FCF1: variants seen among roughly 807,000 people sequenced by gnomAD.
The protein encoded by FCF1 is rRNA-processing protein FCF1 homolog.
A neutral mutation model predicts 32.5 loss-of-function variants in FCF1; 17 were observed. The ratio of observed to expected loss-of-function variants is 0.52; its 90% CI spans 0.36 to 0.78. The LOEUF (loss-of-function observed/expected upper bound fraction) is 0.78, where lower values mean the gene tolerates loss of function less well. Ranked by LOEUF, FCF1 falls within the 30% of genes least tolerant of loss-of-function variation. The pLI is 0.00. For missense variants in FCF1, 201 were observed against 241.1 expected, an observed-to-expected ratio of 0.83 and a Z score of 1.10; for synonymous variants, 84 against 78.4, an observed-to-expected ratio of 1.07 and a Z score of -0.38.
intron 4 of FCF1, among the ~76,000 whole-genome samples, chr14:74,719,295 TAA>T (rs1199789675): frequency 9.9e-5 from 14 of 141,640 alleles, no homozygotes; most frequent in Non-Finnish European, 7.6e-5. Context: ...ACCCTGTCTT[TAA>T]AAAAAAAAAA....
rs1272968349 is a variant in FCF1 at position 74,723,289 on chromosome 14, G to A, written c.310G>A (p.Asp104Asn). The stretch of plus-strand genomic sequence containing the variant: ...CCTGGCAGGTATCCCATGTATAACC[G>A]ATTGTGTAATGGCTGAAATTGAGAA... ...LYAKCIPCIT[D>N]CVMAEIEKLG... Residue 104 changes from aspartate (D) to asparagine (N), a missense_variant, in exon 5 of 8, where the codon GAT (aspartate) becomes AAT (asparagine). By Grantham distance (23) the Asp-to-Asn change is conservative. This residue lies in a region of FCF1 where 121 missense variants were observed against 147.8 expected (regional missense o/e 0.82). Transcript: ENST00000341162. 1.9e-6 allele frequency: 3 copies of A among 1,613,286 alleles called. No homozygotes were observed. Among genetic ancestry groups the A allele is most frequent in the East Asian group, 2.2e-5 (1 of 44,830 alleles).
chr14:74,725,480 CAAAAAAAAAA>C (rs35508938), intron 5 of FCF1, among the ~76,000 whole-genome samples: 7 of 40,002 alleles, frequency 1.7e-4, no homozygotes, highest in African/African-American at 7.8e-4. Context: ...ACCCTGTCTC[CAAAAAAAAAA>C]AAAAAAAAAA....
intron 4 of FCF1, 88 bp from the exon 5 acceptor site, chr14:74,723,184 G>A: frequency 4.4e-6 from 4 of 917,272 alleles, no homozygotes; most frequent in Non-Finnish European, 5.4e-6. Context: ...AAGTGTCCTG[G>A]GTCTTTTTAA....
At chr14:74,716,712 C>A (rs2090426174) in intron 4 of FCF1, among the ~76,000 whole-genome samples, 1 of 152,136 alleles carries the variant, frequency 6.6e-6, no homozygotes, top group Non-Finnish European at 1.5e-5. Context: ...AAAGTAAGGC[C>A]ATCTATGAAG....
At chr14:74,722,047 C>CTTTTTTT (rs59367492) in intron 4 of FCF1, among the ~76,000 whole-genome samples, 21 of 121,368 alleles carry the variant, frequency 1.7e-4, no homozygotes, top group Admixed American at 3.7e-4. Context: ...TGGGTATTTT[C>CTTTTTTT]TTTTTTTTTT....
At chr14:74,729,329 G>A (rs2090606965) in intron 5 of FCF1, among the ~76,000 whole-genome samples, 1 of 151,830 alleles carries the variant, frequency 6.6e-6, no homozygotes, top group African/African-American at 2.4e-5. Context: ...GTTTAGTCTT[G>A]GGAGAGTGTA....
intron 4 of FCF1, among the ~76,000 whole-genome samples, chr14:74,720,950 C>G (rs1042422832): frequency 1.3e-5 from 2 of 150,092 alleles, no homozygotes; most frequent in African/African-American, 4.9e-5. Context: ...GTAATCTCAG[C>G]TCACTACAGC....
chr14:74,722,123 A>G (rs368306298), intron 4 of FCF1, among the ~76,000 whole-genome samples: 210 of 142,086 alleles, frequency 1.5e-3, no homozygotes, highest in African/African-American at 5.1e-3. Flanking sequence ...ATCTTGGCTC[A>G]TTGCAACCTC....
At chr14:74,718,975 C>A (rs2090459509) in intron 4 of FCF1, among the ~76,000 whole-genome samples, 1 of 151,366 alleles carries the variant, frequency 6.6e-6, no homozygotes, top group South Asian at 2.1e-4. Flanking sequence ...ACTAAAAATA[C>A]AAAAATTAGC....
intron 7 of FCF1, 24 bp downstream of exon 7, chr14:74,734,194 GGAATA>G: frequency 3.6e-6 from 5 of 1,370,400 alleles, no homozygotes; most frequent in Non-Finnish European, 5.2e-6. Flanking sequence ...CTTGGAGAAG[GGAATA>G]GAAATATATA....
intron 4 of FCF1, among the ~76,000 whole-genome samples, chr14:74,717,619 A>G (rs1275299676): frequency 6.6e-6 from 1 of 152,232 alleles, no homozygotes; most frequent in East Asian, 1.9e-4. Context: ...TCTAAGAATG[A>G]GGCTTGGGTG....
intron 4 of FCF1, among the ~76,000 whole-genome samples, chr14:74,721,410 G>C (rs1452158872): frequency 6.6e-6 from 1 of 152,050 alleles, no homozygotes; most frequent in African/African-American, 2.4e-5. Flanking sequence ...CTTTTTTAAA[G>C]TTATGTATGG....
chr14:74,719,768 AGGGG>A (rs1008263983), intron 4 of FCF1, among the ~76,000 whole-genome samples: 3 of 152,152 alleles, frequency 2.0e-5, no homozygotes, highest in Non-Finnish European at 1.5e-5. Context: ...CTGTCTCAAA[AGGGG>A]GAAAAAAAGG....
chr14:74,719,292 C>CT (rs1305016058), intron 4 of FCF1, among the ~76,000 whole-genome samples: 3 of 147,026 alleles, frequency 2.0e-5, no homozygotes, highest in East Asian at 4.0e-4. Context: ...AAGACCCTGT[C>CT]TTTAAAAAAA....
At chr14:74,727,071 G>A (rs1333300073) in intron 5 of FCF1, among the ~76,000 whole-genome samples, 2 of 152,096 alleles carry the variant, frequency 1.3e-5, no homozygotes, top group African/African-American at 4.8e-5. Flanking sequence ...AAACATACAT[G>A]TGCATGTGCC....
chr14:74,722,557 A>G (rs1030006197), intron 4 of FCF1, among the ~76,000 whole-genome samples: 1 of 151,996 alleles, frequency 6.6e-6, no homozygotes, highest in Non-Finnish European at 1.5e-5. Flanking sequence ...GATAGTTGTC[A>G]AACAGAAGTT....
Position 74,714,894 on chromosome 14 carries a change from C to T in FCF1, c.94C>T (p.Pro32Ser), listed in dbSNP as rs1254086326. ...QRLKEKDRLK[P>S]KKKEKKDPSA... ...TAGTAAAGAAAAGGATAGATTAAAA[C>T]CTAAAAAGAAAGAAAAGAAGGATCC... The change falls in exon 3 of 8, where the codon CCT becomes TCT. Residue 32 changes from proline to serine, a missense_variant. By Grantham distance (74) the Pro-to-Ser change is moderately conservative. Coordinates refer to ENST00000341162, the MANE Select transcript of FCF1 (RefSeq NM_015962.5). The T allele has an allele frequency of 6.3e-6, 10 of 1,587,376 alleles. No homozygotes were observed. Among genetic ancestry groups the T allele is most frequent in the Non-Finnish European group, 8.6e-6 (10 of 1,169,188 alleles).
chr14:74,713,638 T>G, intron 2 of FCF1, 86 bp downstream of exon 2: 1 of 1,238,232 alleles, frequency 8.1e-7, no homozygotes, highest in East Asian at 2.5e-5. Context: ...GTTATTATTT[T>G]GTTTTTTGCT....
intron 4 of FCF1, among the ~76,000 whole-genome samples, chr14:74,718,046 C>A (rs112383917): frequency 4.8e-4 from 73 of 152,166 alleles, no homozygotes; most frequent in African/African-American, 1.7e-3. Flanking sequence ...TTGTATTTTT[C>A]GTAGAGGCGG....
Sources: allele counts gnomAD v4.1 joint callset (sites outside exome capture counted in the v4.1 genomes callset), GRCh38; gene constraint gnomAD v4.1.1; regional missense constraint gnomAD v4.1.1; transcripts MANE v1.5; gene names NCBI Gene and HGNC (gene_info 2026-07-23, HGNC 2026-07-21).